Variants in ZFR observed in about 807,000 individuals in gnomAD.
ZFR encodes zinc finger RNA binding protein.
In ZFR, 19 loss-of-function variants were observed where a neutral mutation model predicts 130.7. That is an observed-to-expected ratio of 0.15 (90% CI 0.10 to 0.21). The LOEUF is 0.21. Among genes scored for constraint, ZFR ranks in the 10% least tolerant of loss-of-function variants. The pLI, the probability that ZFR is intolerant of heterozygous loss-of-function variation, is 1.00. For synonymous variants in ZFR, 466 were observed against 456.9 expected (o/e 1.02, Z -0.25); for missense variants, 872 against 1,321.5 (o/e 0.66, Z 5.27).
At chr5:32,425,630 A>T (rs571424186) in intron 2 of ZFR, among the ~76,000 whole-genome samples, 3 of 152,156 alleles carry the variant, frequency 2.0e-5, no homozygotes, top group Non-Finnish European at 4.4e-5. Flanking sequence ...TAGGTCAAGC[A>T]GTTTTCCCTG....
chr5:32,389,091 G>C (rs908498629), intron 12 of ZFR, among the ~76,000 whole-genome samples: 1 of 152,288 alleles, frequency 6.6e-6, no homozygotes. Context: ...CTGCTCTATA[G>C]AGAAACAAAT....
intron 5 of ZFR, among the ~76,000 whole-genome samples, chr5:32,412,016 T>G (rs370311873): frequency 6.6e-6 from 1 of 152,156 alleles, no homozygotes; most frequent in Non-Finnish European, 1.5e-5. Flanking sequence ...GAGGGAACTC[T>G]AGAGAAGAAT....
chr5:32,444,505 C>G, intron 1 of ZFR, 117 bp downstream of exon 1: 2 of 1,323,290 alleles, frequency 1.5e-6, no homozygotes, highest in South Asian at 3.5e-5. Context: ...CTCACTCGCA[C>G]GCCCGGGTGG....
At chr5:32,405,204 A>T (rs1753550787) in intron 6 of ZFR, among the ~76,000 whole-genome samples, 1 of 152,210 alleles carries the variant, frequency 6.6e-6, no homozygotes, top group South Asian at 2.1e-4. Flanking sequence ...TCAATTATTT[A>T]GGGCAAGTCC....
chr5:32,406,082 C>T (rs1184504521), intron 6 of ZFR, among the ~76,000 whole-genome samples: 2 of 152,138 alleles, frequency 1.3e-5, no homozygotes, highest in African/African-American at 4.8e-5. Flanking sequence ...AGTTGACACT[C>T]TTAAGCATAA....
chr5:32,357,133 C>T (rs1752332953), intron 19 of ZFR, among the ~76,000 whole-genome samples: 1 of 151,930 alleles, frequency 6.6e-6, no homozygotes, highest in Non-Finnish European at 1.5e-5. Context: ...CAGGCTCACA[C>T]CAACACACCT....
intron 19 of ZFR, among the ~76,000 whole-genome samples, chr5:32,361,763 C>A (rs1752439706): frequency 6.6e-6 from 1 of 151,716 alleles, no homozygotes; most frequent in Non-Finnish European, 1.5e-5. Flanking sequence ...GGACTACAGG[C>A]ACTCACATGC....
At chr5:32,405,414 C>A (rs953931266) in intron 6 of ZFR, among the ~76,000 whole-genome samples, 1 of 152,142 alleles carries the variant, frequency 6.6e-6, no homozygotes, top group Non-Finnish European at 1.5e-5. Flanking sequence ...CATTAACCAC[C>A]CCCTTAAGGT....
chr5:32,405,918 A>G (rs1753570920), intron 6 of ZFR, among the ~76,000 whole-genome samples: 1 of 152,242 alleles, frequency 6.6e-6, no homozygotes, highest in Admixed American at 6.5e-5. Context: ...ATTCAGAAGT[A>G]GAGAAAACTA....
intron 9 of ZFR, among the ~76,000 whole-genome samples, chr5:32,398,049 G>C (rs1753358880): frequency 1.3e-5 from 2 of 150,802 alleles, no homozygotes; most frequent in South Asian, 2.1e-4. Flanking sequence ...TAGAGATGGG[G>C]GTTTCACCGT....
At chr5:32,364,418 A>G in intron 17 of ZFR, 143 bp from the exon 18 acceptor site, 1 of 529,514 alleles carries the variant, frequency 1.9e-6, no homozygotes, top group Non-Finnish European at 3.3e-6. Context: ...TAAATATTAC[A>G]TATAATATAA....
chr5:32,419,157 CA>C (rs1178517738), intron 3 of ZFR, among the ~76,000 whole-genome samples: 1 of 152,138 alleles, frequency 6.6e-6, no homozygotes, highest in African/African-American at 2.4e-5. Flanking sequence ...TGCTCTAGTA[CA>C]AACAAGGGAA....
At chr5:32,443,537 G>A (rs1465028912) in intron 2 of ZFR, among the ~76,000 whole-genome samples, 1 of 152,252 alleles carries the variant, frequency 6.6e-6, no homozygotes, top group Non-Finnish European at 1.5e-5. Context: ...ATCTTTTCCA[G>A]TCTAAGAACT....
At position 32,417,254 on chromosome 5, in the gene ZFR, A is replaced by G. The variant is rs536362844; in HGVS notation, c.565+394T>C. 1.3e-3 allele frequency among the ~76,000 whole-genome samples: 195 copies of G among 152,282 alleles called. 1 individual carries two copies. The highest frequency in any genetic ancestry group is 1.8e-3 in the Non-Finnish European group (123 of 68,012). ...GTGGCTGATAACAGAACCAACTGTCATTAGCGATCAGAGAAAGATTAATTA... is the reference window on the plus strand; with the variant it reads ...GTGGCTGATAACAGAACCAACTGTCGTTAGCGATCAGAGAAAGATTAATTA... On this transcript the variant is annotated intron_variant, in intron 4 of 19. Transcript: ENST00000265069.
chr5:32,401,236 G>A (rs188043798), intron 8 of ZFR, among the ~76,000 whole-genome samples: 92 of 152,234 alleles, frequency 6.0e-4, no homozygotes, highest in African/African-American at 2.0e-3. Context: ...TGGATACGGC[G>A]CTAAGTTCTG....
intron 15 of ZFR, among the ~76,000 whole-genome samples, chr5:32,381,820 T>C (rs1433328652): frequency 6.6e-6 from 1 of 152,152 alleles, no homozygotes; most frequent in African/African-American, 2.4e-5. Context: ...GTGTGACATT[T>C]TGAGAATAAA....
At chr5:32,383,688 C>T (rs935271981) in intron 15 of ZFR, 30 of 449,118 alleles carry the variant, frequency 6.7e-5, no homozygotes, top group Non-Finnish European at 1.3e-4. Context: ...ACTAACTCCC[C>T]AAAGCAAGCT....
At chr5:32,390,177 GATT>G (rs1459390905) in intron 12 of ZFR, 95 bp downstream of exon 12, 5 of 1,430,622 alleles carry the variant, frequency 3.5e-6, no homozygotes, top group Non-Finnish European at 4.7e-6. Context: ...AAGATTACAA[GATT>G]ATTAAGTCTA....
intron 17 of ZFR, among the ~76,000 whole-genome samples, chr5:32,366,760 G>A (rs1581678799): frequency 6.6e-6 from 1 of 152,034 alleles, no homozygotes. Flanking sequence ...GGTCTTGGAG[G>A]CTATAATTAT....
Sources: gnomAD v4.1 joint callset for allele counts (sites outside exome capture counted in the v4.1 genomes callset) on GRCh38, gnomAD v4.1.1 for gene constraint, MANE v1.5 for transcripts, NCBI Gene and HGNC (gene_info 2026-07-23, HGNC 2026-07-21) for gene names.